The following MCCC1 variants were observed in gnomAD, a reference collection of about 807,000 sequenced individuals.
MCCC1 encodes methylcrotonoyl-CoA carboxylase subunit alpha, mitochondrial.
A neutral mutation model predicts 83.8 loss-of-function variants in MCCC1; 64 were observed. The observed-to-expected ratio is 0.76, with a 90% CI of 0.62 to 0.94. MCCC1 has a LOEUF of 0.94. MCCC1 is among the 40% of genes least tolerant of loss of function. The pLI is 0.00. For synonymous variants in MCCC1, 322 were observed against 315.4 expected (o/e 1.02, Z -0.22); for missense variants, 807 against 904.7 (o/e 0.89, Z 1.39).
rs1250896619 is a variant in MCCC1 at position 183,064,728 on chromosome 3, C to CCGGCT, written c.761+6266_761+6270dup. On this transcript the variant is annotated intron_variant, in intron 7 of 18. Coordinates refer to ENST00000265594, the MANE Select transcript of MCCC1 (RefSeq NM_020166.5). This position sits in a 1 kb window ranked among gnomAD's most constrained non-coding sequence, Gnocchi z 4.5. ...CCCACGGCAGGCTGTTCGCGGGCAGCCGGCTCCGTGGACAGCAGGGCGAAG... is the reference window on the plus strand; with the variant it reads ...CCCACGGCAGGCTGTTCGCGGGCAGCCGGCTCGGCTCCGTGGACAGCAGGGCGAAG... Among the ~76,000 whole-genome samples, 1 of 152,244 alleles carries CCGGCT rather than the reference C, an allele frequency of 6.6e-6. No individual in the cohort carries two copies. Among genetic ancestry groups the CCGGCT allele is most frequent in the Non-Finnish European group, 1.5e-5 (1 of 68,040 alleles).
chr3:183,059,792 A>G (rs1441378151), intron 7 of MCCC1, among the ~76,000 whole-genome samples: 1 of 152,218 alleles, frequency 6.6e-6, no homozygotes, highest in East Asian at 1.9e-4. Context: ...CTAGGTTAGT[A>G]GTTTTTCTCT....
rs763803301 is a variant in MCCC1, at chr3:183,037,411, A to G, written c.1401T>C (p.Ile467=). The G allele has an allele frequency of 4.3e-5, 70 of 1,614,028 alleles. No individual in the cohort carries two copies. Among genetic ancestry groups the G allele is most frequent in the Non-Finnish European group, 5.8e-5 (69 of 1,180,026 alleles). The part of the protein sequence containing the change: ...QYNIVGLHTN[I]DFLLNLSGHP... ...GGCCAGACAGGTTGAGTAAGAAGTC[A>G]ATGTTGGTGTGCAGTCCAACAATCT... Residue 467 remains isoleucine, a synonymous_variant, in exon 13 of 19, where the codon ATT becomes ATC. Coordinates refer to ENST00000265594, the MANE Select transcript of MCCC1 (RefSeq NM_020166.5).
At chr3:183,103,164 G>A (rs539552771), upstream of MCCC1, among the ~76,000 whole-genome samples, 2 of 152,094 alleles carry the variant, frequency 1.3e-5, no homozygotes, top group South Asian at 4.2e-4. Context: ...AGGCAGGAGT[G>A]AAGCTGCAGA....
At chr3:183,097,105 T>C (rs1391219658) in intron 1 of MCCC1, among the ~76,000 whole-genome samples, 2 of 152,200 alleles carry the variant, frequency 1.3e-5, no homozygotes, top group Non-Finnish European at 2.9e-5. Flanking sequence ...TCTATTCCAT[T>C]TTTCACAATT....
rs774713540 is a variant in MCCC1 at position 183,017,284 on chromosome 3, C to T, written c.2031G>A (p.Met677Ile). The change falls in exon 18 of 19, where the codon ATG (methionine) becomes ATA (isoleucine). Residue 677 changes from methionine to isoleucine, a missense_variant. Physicochemically the swap from Met to Ile is conservative, Grantham distance 10. Coordinates refer to ENST00000265594, the MANE Select transcript of MCCC1 (RefSeq NM_020166.5). ...TCCTTACCTCCATCTTCATGGCGAT[C>T]ATAACCATGAGGGAATCTCCCGCTT... ...KVKAGDSLMV[M>I]IAMKMEHTIK... 8 of 1,613,768 alleles carry T rather than the reference C, an allele frequency of 5.0e-6. No individual in the cohort carries two copies. In the South Asian group the frequency reaches 8.8e-5, roughly 18 times the overall value.
intron 1 of MCCC1, among the ~76,000 whole-genome samples, chr3:183,109,339 C>T (rs564121190): frequency 3.9e-5 from 6 of 152,150 alleles, no homozygotes; most frequent in East Asian, 3.9e-4. Flanking sequence ...TGAGGTTTAG[C>T]GTACAAATGA....
chr3:183,029,648 G>T (rs1712888679), intron 14 of MCCC1, among the ~76,000 whole-genome samples: 1 of 152,162 alleles, frequency 6.6e-6, no homozygotes, highest in African/African-American at 2.4e-5. Context: ...GAGGTCACTA[G>T]AAGTTCTTCT....
intron 7 of MCCC1, among the ~76,000 whole-genome samples, chr3:183,060,032 G>A (rs927072064): frequency 1.3e-5 from 2 of 152,000 alleles, no homozygotes; most frequent in South Asian, 2.1e-4. Context: ...CAACAACTTC[G>A]GAAAATTCTT....
Position 183,015,323 on chromosome 3 carries a change from C to CTT in MCCC1, c.*114_*115insAA. 1 of 1,043,996 alleles carries CTT rather than the reference C, an allele frequency of 9.6e-7. No individual in the cohort carries two copies. Among genetic ancestry groups the CTT allele is most frequent in the South Asian group, 1.3e-5 (1 of 79,132 alleles). 64.7% of individuals were successfully genotyped at this position (1,043,996 alleles called of 1,614,324 possible). On this transcript the variant is annotated 3_prime_UTR_variant, in exon 19 of 19. Coordinates refer to ENST00000265594, the MANE Select transcript of MCCC1 (RefSeq NM_020166.5). ...CAATATGAAAGGTGTTCAGCATAAG[C>CTT]ATACAATCATTTAGTAAAACTGCTC...
chr3:183,064,372 A>G lies in MCCC1; in HGVS notation c.761+6627T>C, dbSNP rs1315288894. On this transcript the variant is annotated intron_variant, in intron 7 of 18. Transcript: ENST00000265594. This position sits in a 1 kb window ranked among gnomAD's most constrained non-coding sequence, Gnocchi z 4.5. ...TTGTTTTTAGTTGGTAGACATCGAC[A>G]AGTAGGAAAATTTGCGAGGTCCGAG... Among the ~76,000 whole-genome samples the G allele has an allele frequency of 6.6e-6, 1 of 152,150 alleles. No individual in the cohort carries two copies. The highest frequency in any genetic ancestry group is 2.4e-5 in the African/African-American group (1 of 41,444).
At chr3:183,069,219 G>C (rs949860231) in intron 7 of MCCC1, among the ~76,000 whole-genome samples, 1 of 152,070 alleles carries the variant, frequency 6.6e-6, no homozygotes, top group Non-Finnish European at 1.5e-5. Flanking sequence ...TGATTCCCAG[G>C]GGCTTTCCAG....
upstream of MCCC1, among the ~76,000 whole-genome samples, chr3:183,099,924 A>G (rs761755982): frequency 5.9e-5 from 9 of 152,304 alleles, no homozygotes; most frequent in South Asian, 2.1e-4. Flanking sequence ...AAACCACCTG[A>G]GCTTAAAACA....
chr3:183,072,323 C>G, intron 5 of MCCC1, 43 bp downstream of exon 5: 1 of 1,609,960 alleles, frequency 6.2e-7, no homozygotes, highest in Non-Finnish European at 8.5e-7. Context: ...ACTATTTCAA[C>G]TGACCTTCAT....
At chr3:183,090,351 A>T (rs771986284) in intron 3 of MCCC1, among the ~76,000 whole-genome samples, 8 of 152,198 alleles carry the variant, frequency 5.3e-5, no homozygotes, top group Non-Finnish European at 7.3e-5. Flanking sequence ...CATCATTGAA[A>T]AATAGAAGAT....
intron 8 of MCCC1, among the ~76,000 whole-genome samples, chr3:183,055,551 T>C (rs2108503022): frequency 6.6e-6 from 1 of 152,338 alleles, no homozygotes; most frequent in East Asian, 1.9e-4. Flanking sequence ...ATTACGTATC[T>C]TTGTCCCTTG....
chr3:183,042,933 C>A (rs554799056), intron 10 of MCCC1, among the ~76,000 whole-genome samples: 1 of 152,310 alleles, frequency 6.6e-6, no homozygotes, highest in Non-Finnish European at 1.5e-5. Flanking sequence ...AAGACGCATG[C>A]ATGTGTATGT....
intron 7 of MCCC1, among the ~76,000 whole-genome samples, chr3:183,059,663 C>A (rs1015309417): frequency 7.2e-5 from 11 of 152,206 alleles, no homozygotes; most frequent in Non-Finnish European, 1.3e-4. Context: ...TAAAGAACAT[C>A]TACTAATATG....
At position 183,037,234 on chromosome 3, in the gene MCCC1, G is replaced by A; in HGVS notation, c.1578C>T (p.Phe526=). 6.2e-7 allele frequency: 1 copy of A among 1,613,710 alleles called. No individual in the cohort carries two copies. The stretch of plus-strand genomic sequence containing the variant: ...CTTCCATACCATGTGCCTGAAGAGT[G>A]AAAGTGTCGGTCATGGCTTTCTCCT... ...ILKEKAMTDT[F]TLQAHDQFSP... The change falls in exon 13 of 19, where the codon TTC becomes TTT. Residue 526 remains phenylalanine (F), a synonymous_variant. Transcript: ENST00000265594.
In MCCC1 at chr3:183,055,126, G is replaced by A. The variant is rs1488859407; in HGVS notation, c.873+2185C>T. 4.6e-5 allele frequency among the ~76,000 whole-genome samples: 7 copies of A among 152,212 alleles called. No individual in the cohort carries two copies. The East Asian group carries it at 5.8e-4, about 13-fold the overall frequency. ...CATTAAAAAGGATAAAAAGCTGGCC[G>A]GGTGCGGTGGCTCAAGCCTGTACTC... is the stretch of plus-strand genomic sequence containing the variant. On this transcript the variant is annotated intron_variant, in intron 8 of 18. Coordinates refer to ENST00000265594, the MANE Select transcript of MCCC1 (RefSeq NM_020166.5).
Sources: allele counts gnomAD v4.1 joint callset (sites outside exome capture counted in the v4.1 genomes callset), GRCh38; gene constraint gnomAD v4.1.1; non-coding constraint Gnocchi (gnomAD v3.1); transcripts MANE v1.5; gene names NCBI Gene and HGNC (gene_info 2026-07-23, HGNC 2026-07-21).